The following ELP4 variants were observed in gnomAD, a reference collection of about 807,000 sequenced individuals.
ELP4 encodes the protein elongator acetyltransferase complex subunit 4, also known as elongator complex protein 4.
In ELP4, 51 loss-of-function variants were observed where a neutral mutation model predicts 48.9. The ratio of observed to expected loss-of-function variants is 1.04; its 90% CI spans 0.83 to 1.32. ELP4 has a LOEUF of 1.32. Ranked by LOEUF, ELP4 falls within the 40% of genes most tolerant of loss-of-function variation. The pLI, the probability that ELP4 is intolerant of heterozygous loss-of-function variation, is 0.00. For missense variants in ELP4, 519 were observed against 514.6 expected (o/e 1.01, Z -0.08); for synonymous variants, 210 against 189.2 (o/e 1.11, Z -0.90).
intron 3 of ELP4, among the ~76,000 whole-genome samples, chr11:31,559,858 G>A (rs1265610628): frequency 6.7e-6 from 1 of 149,538 alleles, no homozygotes; most frequent in Non-Finnish European, 1.5e-5. Context: ...AGCTGAGATT[G>A]CGCCATTGCA....
chr11:31,577,305 C>A (rs1172225271), intron 3 of ELP4, among the ~76,000 whole-genome samples: 2 of 152,088 alleles, frequency 1.3e-5, no homozygotes, highest in Non-Finnish European at 2.9e-5. Flanking sequence ...AACCTACCAA[C>A]CAAAAAAAGT....
chr11:31,519,758 G>A (rs1321367861), intron 1 of ELP4, among the ~76,000 whole-genome samples: 2 of 151,804 alleles, frequency 1.3e-5, no homozygotes, highest in African/African-American at 4.8e-5. Flanking sequence ...CCAGGATGGG[G>A]AGGTTGCAGT....
intron 3 of ELP4, among the ~76,000 whole-genome samples, chr11:31,567,153 G>A (rs749192435): frequency 6.6e-6 from 1 of 151,804 alleles, no homozygotes; most frequent in Admixed American, 6.6e-5. Context: ...GGCTGGTCTC[G>A]AACTCCTAAC....
At chr11:31,761,056 A>G (rs1947935146) in intron 9 of ELP4, among the ~76,000 whole-genome samples, 1 of 152,164 alleles carries the variant, frequency 6.6e-6, no homozygotes, top group Admixed American at 6.5e-5. Context: ...CGGCTTTTTC[A>G]GAAATTTTAT....
chr11:31,685,794 G>T (rs1037607501), intron 9 of ELP4, among the ~76,000 whole-genome samples: 1 of 151,956 alleles, frequency 6.6e-6, no homozygotes, highest in African/African-American at 2.4e-5. Context: ...AGCTGGGCAT[G>T]GTGGCACACG....
intron 3 of ELP4, among the ~76,000 whole-genome samples, chr11:31,580,329 A>G (rs1470442289): frequency 2.0e-5 from 3 of 152,212 alleles, no homozygotes; most frequent in African/African-American, 7.2e-5. Context: ...ATAACTTAAT[A>G]CTGTGAAATA....
intron 5 of ELP4, among the ~76,000 whole-genome samples, chr11:31,622,117 A>G (rs1460314567): frequency 6.6e-6 from 1 of 151,880 alleles, no homozygotes; most frequent in Non-Finnish European, 1.5e-5. Flanking sequence ...ATCAGTTGAT[A>G]TAATTAAAAT....
rs571622084 is a variant in ELP4, at chr11:31,634,487, A to G, written c.927+2082A>G. On this transcript the variant is annotated intron_variant, in intron 7 of 9. Coordinates refer to ENST00000640961, the MANE Select transcript of ELP4 (RefSeq NM_019040.5). The stretch of plus-strand genomic sequence containing the variant: ...AAACAGAAAGAAAGAAAAGGGAAAC[A>G]CTTTTTTAAAGCCATTTTGTTGGTG... Among the ~76,000 whole-genome samples, 6 of 152,094 alleles carry G rather than the reference A, an allele frequency of 3.9e-5. 1 individual carries two copies. In the South Asian group the frequency reaches 1.2e-3, roughly 32 times the overall value.
chr11:31,700,852 A>T (rs1444148753), intron 9 of ELP4, among the ~76,000 whole-genome samples: 3 of 152,100 alleles, frequency 2.0e-5, no homozygotes, highest in African/African-American at 7.2e-5. Flanking sequence ...ATGAGAATGT[A>T]GAAAGAAATA....
At chr11:31,575,739 C>G (rs1440303789) in intron 3 of ELP4, among the ~76,000 whole-genome samples, 1 of 152,148 alleles carries the variant, frequency 6.6e-6, no homozygotes, top group African/African-American at 2.4e-5. Context: ...CAAACAAATG[C>G]TGAGAGATTT....
intron 3 of ELP4, among the ~76,000 whole-genome samples, chr11:31,593,805 A>G (rs1476581727): frequency 1.3e-5 from 2 of 152,216 alleles, no homozygotes; most frequent in African/African-American, 4.8e-5. Flanking sequence ...TAAATGATAT[A>G]ACTAGTTTCT....
chr11:31,667,102 A>G (rs1350659799), intron 9 of ELP4, among the ~76,000 whole-genome samples: 1 of 152,196 alleles, frequency 6.6e-6, no homozygotes, highest in Non-Finnish European at 1.5e-5. Flanking sequence ...ACATATAGAT[A>G]AGTTTATTAT....
chr11:31,620,375 G>A (rs1477934410), intron 5 of ELP4, among the ~76,000 whole-genome samples: 2 of 152,036 alleles, frequency 1.3e-5, no homozygotes, highest in Non-Finnish European at 2.9e-5. Flanking sequence ...AGGTGTGGTA[G>A]ACAATGATAT....
intron 7 of ELP4, among the ~76,000 whole-genome samples, chr11:31,643,427 T>A (rs1343711526): frequency 1.3e-5 from 2 of 151,864 alleles, no homozygotes; most frequent in East Asian, 3.9e-4. Flanking sequence ...TACTTCTTAA[T>A]CCTCTTACTA....
At chr11:31,546,451 T>C (rs1287351065) in intron 3 of ELP4, among the ~76,000 whole-genome samples, 2 of 152,136 alleles carry the variant, frequency 1.3e-5, no homozygotes, top group South Asian at 2.1e-4. Flanking sequence ...TAAATATATA[T>C]GCACCCAATA....
intron 5 of ELP4, among the ~76,000 whole-genome samples, chr11:31,625,789 A>G (rs918196036): frequency 1.3e-5 from 2 of 151,790 alleles, no homozygotes; most frequent in African/African-American, 4.8e-5. Flanking sequence ...CTACTGCACT[A>G]TGTTCTGAAA....
chr11:31,573,351 T>C (rs1427305444), intron 3 of ELP4, among the ~76,000 whole-genome samples: 1 of 152,170 alleles, frequency 6.6e-6, no homozygotes, highest in Non-Finnish European at 1.5e-5. Context: ...AGGTATTTCT[T>C]GCAGCAGCAC....
At chr11:31,553,342 T>C (rs1045905223) in intron 3 of ELP4, among the ~76,000 whole-genome samples, 3 of 152,132 alleles carry the variant, frequency 2.0e-5, no homozygotes, top group African/African-American at 7.2e-5. Context: ...TAACATTTAA[T>C]TTGGTAGACT....
intron 2 of ELP4, among the ~76,000 whole-genome samples, chr11:31,524,524 A>G (rs1467252163): frequency 6.6e-6 from 1 of 152,218 alleles, no homozygotes; most frequent in African/African-American, 2.4e-5. Flanking sequence ...GTTAGAAGCA[A>G]GTTCCACATT....
Sources: allele counts gnomAD v4.1 joint callset (sites outside exome capture counted in the v4.1 genomes callset), GRCh38; gene constraint gnomAD v4.1.1; transcripts MANE v1.5; gene names NCBI Gene and HGNC (gene_info 2026-07-23, HGNC 2026-07-21).